The following HDAC9 variants were observed in gnomAD, a reference collection of about 807,000 sequenced individuals.
HDAC9 encodes the protein histone deacetylase 9, also known as MEF-2 interacting transcription repressor (MITR) protein.
HDAC9 carries 41 observed loss-of-function variants against 139.4 expected under a neutral mutation model. The observed-to-expected ratio is 0.29, with a 90% CI of 0.23 to 0.38. The LOEUF is 0.38. HDAC9 is among the 10% of genes least tolerant of loss of function. HDAC9 has a pLI of 1.00. For synonymous variants in HDAC9, 517 were observed against 476.2 expected, an observed-to-expected ratio of 1.09 and a Z score of -1.12; for missense variants, 1,147 against 1,297.0, an observed-to-expected ratio of 0.88 and a Z score of 1.78.
Position 18,998,776 on chromosome 7 carries a change from A to G in HDAC9, c.*2714A>G, listed in dbSNP as rs927617025. On this transcript the variant is annotated 3_prime_UTR_variant, in exon 26 of 26. Coordinates refer to ENST00000686413, the MANE Select transcript of HDAC9 (RefSeq NM_178425.4). ...GATACTTACTTTGAAGGAAAATCAC[A>G]TACGCTCTCTCATGGTCTCATGGTA... 6.6e-6 allele frequency: 1 copy of G among 152,364 alleles called. No individual in the cohort carries two copies. The highest frequency in any genetic ancestry group is 2.4e-5 in the African/African-American group (1 of 41,588). 9.4% of individuals were successfully genotyped at this position (152,364 alleles called of 1,614,324 possible). A position where few individuals can be genotyped will look rare whatever the true frequency, so the allele number is the denominator to read the frequency against.
intron 22 of HDAC9, among the ~76,000 whole-genome samples, chr7:18,909,516 A>G (rs1585287025): frequency 6.6e-6 from 1 of 151,974 alleles, no homozygotes; most frequent in East Asian, 1.9e-4. Flanking sequence ...GTAGTTTCGT[A>G]GTTGTGGGTG....
intron 12 of HDAC9, among the ~76,000 whole-genome samples, chr7:18,701,183 T>A (rs1400875353): frequency 6.6e-6 from 1 of 152,036 alleles, no homozygotes; most frequent in Non-Finnish European, 1.5e-5. Context: ...CTGTGAGGTT[T>A]TTTTCCTCTT....
intron 22 of HDAC9, among the ~76,000 whole-genome samples, chr7:18,899,888 C>G (rs572081121): frequency 6.6e-6 from 1 of 151,942 alleles, no homozygotes; most frequent in Non-Finnish European, 1.5e-5. Flanking sequence ...CAGAAAAATT[C>G]AAATTTCTAT....
intron 1 of HDAC9, among the ~76,000 whole-genome samples, chr7:18,451,651 G>A (rs1440928389): frequency 1.3e-5 from 2 of 151,862 alleles, no homozygotes; most frequent in Non-Finnish European, 2.9e-5. Flanking sequence ...ACTGATTTAT[G>A]TGGATATTAT....
intron 2 of HDAC9, among the ~76,000 whole-genome samples, chr7:18,521,238 C>A (rs1319664702): frequency 6.6e-6 from 1 of 152,092 alleles, no homozygotes; most frequent in African/African-American, 2.4e-5. Context: ...GGATGTCTTG[C>A]TTTTTGCATT....
At chr7:18,237,000 C>T (rs1793865426) in intron 2 of HDAC9, among the ~76,000 whole-genome samples, 2 of 152,262 alleles carry the variant, frequency 1.3e-5, no homozygotes, top group South Asian at 4.1e-4. Flanking sequence ...TCCCAGGAAC[C>T]TCTTAGTTCT....
At chr7:18,320,748 T>C (rs1183416375) in intron 1 of HDAC9, among the ~76,000 whole-genome samples, 1 of 152,120 alleles carries the variant, frequency 6.6e-6, no homozygotes, top group Non-Finnish European at 1.5e-5. Flanking sequence ...ACTTTGTTTC[T>C]CTCCTTGGAC....
Position 18,290,808 on chromosome 7 carries a change from G to C in HDAC9, c.-42+293G>C, listed in dbSNP as rs1257495894. On this transcript the variant is annotated intron_variant, in intron 1 of 3. Transcript: ENST00000413509. The stretch of plus-strand genomic sequence containing the variant: ...AATTAGGAAAAATATTGATGAATAA[G>C]TTCCTGTACTCTGATTTTTTGAAAT... Among the ~76,000 whole-genome samples the C allele has an allele frequency of 2.0e-5, 3 of 152,158 alleles. No individual in the cohort carries two copies. In the East Asian group the frequency reaches 5.8e-4, roughly 29 times the overall value.
intron 2 of HDAC9, among the ~76,000 whole-genome samples, chr7:18,187,894 CA>C (rs982293002): frequency 6.6e-6 from 1 of 152,152 alleles, no homozygotes; most frequent in African/African-American, 2.4e-5. Flanking sequence ...TCATGTTTCC[CA>C]GGCTTGTCTG....
intron 24 of HDAC9, among the ~76,000 whole-genome samples, chr7:18,954,618 G>GA (rs922513606): frequency 4.6e-5 from 7 of 150,988 alleles, no homozygotes; most frequent in Non-Finnish European, 7.4e-5. Flanking sequence ...GTCAAGAGAG[G>GA]AAAAAAAAAT....
intron 1 of HDAC9, among the ~76,000 whole-genome samples, chr7:18,458,173 A>G (rs1422935960): frequency 6.6e-6 from 1 of 152,230 alleles, no homozygotes; most frequent in Non-Finnish European, 1.5e-5. Context: ...TCACCCTCTC[A>G]GTGCCAGGGT....
At chr7:18,416,062 G>T (rs1046750379) in intron 1 of HDAC9, among the ~76,000 whole-genome samples, 2 of 152,138 alleles carry the variant, frequency 1.3e-5, no homozygotes, top group African/African-American at 4.8e-5. Flanking sequence ...GTGAGGCCAA[G>T]GTGGGCGGAT....
At chr7:18,497,294 G>A (rs1299550036) in intron 2 of HDAC9, among the ~76,000 whole-genome samples, 2 of 152,024 alleles carry the variant, frequency 1.3e-5, no homozygotes, top group Admixed American at 6.6e-5. Context: ...ATAGATCACC[G>A]CCTAGATTTC....
At chr7:18,858,843 C>T (rs1338338309) in intron 21 of HDAC9, among the ~76,000 whole-genome samples, 2 of 152,152 alleles carry the variant, frequency 1.3e-5, no homozygotes, top group Non-Finnish European at 2.9e-5. Context: ...ATGTCCTGAT[C>T]TCCTGTGAAG....
At chr7:18,575,841 T>G (rs1343715417) in intron 2 of HDAC9, among the ~76,000 whole-genome samples, 4 of 152,218 alleles carry the variant, frequency 2.6e-5, no homozygotes, top group Non-Finnish European at 5.9e-5. Flanking sequence ...TATTATTCAT[T>G]CATTCATTCA....
At chr7:18,883,598 A>T (rs1320804611) in intron 22 of HDAC9, among the ~76,000 whole-genome samples, 2 of 152,104 alleles carry the variant, frequency 1.3e-5, no homozygotes, top group East Asian at 3.8e-4. Context: ...ATGGTGAAAA[A>T]ATAAAAGTTT....
intron 6 of HDAC9, among the ~76,000 whole-genome samples, chr7:18,609,324 G>A (rs1400943381): frequency 6.6e-6 from 1 of 152,134 alleles, no homozygotes; most frequent in Admixed American, 6.5e-5. Flanking sequence ...GTTAACTAAT[G>A]TATTAGTTAG....
intron 1 of HDAC9, among the ~76,000 whole-genome samples, chr7:18,398,078 A>G (rs1301687152): frequency 6.6e-6 from 1 of 152,186 alleles, no homozygotes; most frequent in Non-Finnish European, 1.5e-5. Flanking sequence ...GTTTATTCTA[A>G]AGTAAATTTG....
intron 2 of HDAC9, among the ~76,000 whole-genome samples, chr7:18,497,901 T>C (rs1797350357): frequency 6.6e-6 from 1 of 152,154 alleles, no homozygotes; most frequent in African/African-American, 2.4e-5. Flanking sequence ...GTTTGCAAGC[T>C]TTGCTTTTTT....
Sources: gnomAD v4.1 joint callset for allele counts (sites outside exome capture counted in the v4.1 genomes callset) on GRCh38, gnomAD v4.1.1 for gene constraint, MANE v1.5 for transcripts, NCBI Gene and HGNC (gene_info 2026-07-23, HGNC 2026-07-21) for gene names.